The following CCDC102B variants were observed in gnomAD, a reference collection of about 807,000 sequenced individuals.
CCDC102B encodes the protein coiled-coil domain containing 102B, also known as coiled-coil domain-containing protein 102B.
Under a neutral mutation model 57.4 loss-of-function variants are expected in CCDC102B, and 75 were observed. That is an observed-to-expected ratio of 1.31 (90% CI 1.08 to 1.58). The LOEUF (loss-of-function observed/expected upper bound fraction) is 1.58, where lower values mean the gene tolerates loss of function less well. Ranked by LOEUF, CCDC102B falls within the 40% of genes most tolerant of loss-of-function variation. The pLI, the probability that CCDC102B is intolerant of heterozygous loss-of-function variation, is 0.00. For missense variants in CCDC102B, 636 were observed against 582.6 expected, an observed-to-expected ratio of 1.09 and a Z score of -0.94; for synonymous variants, 206 against 201.9, an observed-to-expected ratio of 1.02 and a Z score of -0.17.
chr18:68,750,048 A>G (rs2033786046), intron 2 of CCDC102B, among the ~76,000 whole-genome samples: 1 of 152,228 alleles, frequency 6.6e-6, no homozygotes, highest in Non-Finnish European at 1.5e-5. Context: ...AAGGGCTAAT[A>G]TCCAGAATCT....
intron 2 of CCDC102B, among the ~76,000 whole-genome samples, chr18:68,726,538 C>T (rs1360449960): frequency 6.6e-6 from 1 of 152,212 alleles, no homozygotes; most frequent in Non-Finnish European, 1.5e-5. Flanking sequence ...ATATAATCCA[C>T]ACTATTCAAC....
At position 68,829,880 on chromosome 18, in the gene CCDC102B, A is replaced by G. The variant is rs2037073233; in HGVS notation, c.-15-6869A>G. On this transcript the variant is annotated intron_variant, in intron 1 of 7. Coordinates refer to ENST00000360242, the MANE Select transcript of CCDC102B (RefSeq NM_024781.3). ...AATCTCGATGAATTCAGTATTAAAG[A>G]AAATCTATTATTTTAACAAATAAAT... 4.6e-5 allele frequency among the ~76,000 whole-genome samples: 7 copies of G among 152,144 alleles called. No individual in the cohort carries two copies. The South Asian group carries it at 1.5e-3, about 32-fold the overall frequency.
Position 68,897,135 on chromosome 18 carries a change from T to C in CCDC102B, c.1054-84T>C, listed in dbSNP as rs1450261372. The C allele has an allele frequency of 1.5e-5, 15 of 1,003,340 alleles. No individual in the cohort carries two copies. In the East Asian group the frequency reaches 3.6e-4, roughly 24 times the overall value. 62.2% of individuals were successfully genotyped at this position (1,003,340 alleles called of 1,614,324 possible). On this transcript the variant is annotated intron_variant, in intron 5 of 7. Coordinates refer to ENST00000360242, the MANE Select transcript of CCDC102B (RefSeq NM_024781.3). ...CAGTGGACATATCCATGAACTTTTC[T>C]TAATGGGAGTCTGGTTGTGGGTGGC...
intron 2 of CCDC102B, among the ~76,000 whole-genome samples, chr18:68,735,440 C>T (rs1277185418): frequency 6.6e-6 from 1 of 152,130 alleles, no homozygotes; most frequent in Non-Finnish European, 1.5e-5. Flanking sequence ...TTAAAAATAT[C>T]CCACTCCTTC....
In CCDC102B at chr18:69,010,929, G is replaced by T. The variant is rs1277674171; in HGVS notation, c.1264-5G>T. Reference sequence around the variant, plus strand: ...AATAATGTAATTTTTGTTTTCCTTTGAAAGGAATTACTGAACCTTCAACAT... The same window carrying T: ...AATAATGTAATTTTTGTTTTCCTTTTAAAGGAATTACTGAACCTTCAACAT... On this transcript the variant is annotated splice_polypyrimidine_tract_variant and splice_region_variant and intron_variant, in intron 6 of 7. Transcript: ENST00000360242. 3 of 1,562,612 alleles carry T rather than the reference G, an allele frequency of 1.9e-6. No homozygotes were observed. Among genetic ancestry groups the T allele is most frequent in the African/African-American group, 1.4e-5 (1 of 73,172 alleles).
intron 6 of CCDC102B, among the ~76,000 whole-genome samples, chr18:68,998,991 TATATATATAGAGAGAGAGAGAGAG>T (rs1468915176): frequency 1.0e-4 from 7 of 70,106 alleles, no homozygotes; most frequent in Middle Eastern, 8.6e-3. Context: ...TATATATATA[TATATATATAGAGAGAGAGAGAGAG>T]AGAGAGAGAG....
At chr18:68,905,663 A>G (rs1359941659) in intron 6 of CCDC102B, among the ~76,000 whole-genome samples, 1 of 151,598 alleles carries the variant, frequency 6.6e-6, no homozygotes, top group Admixed American at 6.6e-5. Flanking sequence ...TGATGCAGTA[A>G]CTCCTCATTC....
rs546427386 is a variant in CCDC102B, at chr18:68,850,526, G to A, written c.936+4105G>A. On this transcript the variant is annotated intron_variant, in intron 4 of 7. Transcript: ENST00000360242. ...TTTCGTCTTTTAAACTCATCAACCT[G>A]CCAATTCCCTCTTCCTTCTAGGTGG... Among the ~76,000 whole-genome samples, 4 of 152,064 alleles carry A rather than the reference G, an allele frequency of 2.6e-5. No individual in the cohort carries two copies. In the South Asian group the frequency reaches 8.4e-4, roughly 32 times the overall value.
intron 4 of CCDC102B, among the ~76,000 whole-genome samples, chr18:68,868,813 A>G (rs1287318040): frequency 6.6e-6 from 1 of 152,214 alleles, no homozygotes; most frequent in South Asian, 2.1e-4. Flanking sequence ...ACTCAAACTC[A>G]GTGTGAAGAA....
chr18:69,024,765 G>C (rs1338379520), intron 7 of CCDC102B, among the ~76,000 whole-genome samples: 1 of 151,922 alleles, frequency 6.6e-6, no homozygotes, highest in Non-Finnish European at 1.5e-5. Context: ...ATGATTACAG[G>C]AATGTAATGC....
intron 7 of CCDC102B, among the ~76,000 whole-genome samples, chr18:69,019,796 T>TA (rs2051776433): frequency 6.6e-6 from 1 of 152,142 alleles, no homozygotes; most frequent in Admixed American, 6.5e-5. Flanking sequence ...ATGCTTGTAT[T>TA]ATAACAGATC....
Position 68,998,592 on chromosome 18 carries a change from CCA to C in CCDC102B, c.1264-12341_1264-12340del, listed in dbSNP as rs374857658. Among the ~76,000 whole-genome samples, 15 of 7,072 alleles carry C rather than the reference CCA, an allele frequency of 2.1e-3. No homozygotes were observed. The South Asian group carries it at 0.32, about 149-fold the overall frequency. 4.6% of individuals were successfully genotyped at this position (7,072 alleles called of 152,430 possible). On this transcript the variant is annotated intron_variant, in intron 6 of 7. Transcript: ENST00000360242. ...GAAGCCAGTCCGAGTACCAAAACCC[CCA>C]AAGTAGGGAAGCCAACAGTTCAGCT...
chr18:68,866,309 T>G (rs1401025108), intron 4 of CCDC102B, among the ~76,000 whole-genome samples: 1 of 152,202 alleles, frequency 6.6e-6, no homozygotes, highest in Non-Finnish European at 1.5e-5. Flanking sequence ...CTTTCTCAAG[T>G]ATAAACATTT....
intron 6 of CCDC102B, among the ~76,000 whole-genome samples, chr18:68,986,880 T>G (rs939529555): frequency 1.3e-5 from 2 of 152,090 alleles, no homozygotes; most frequent in African/African-American, 4.8e-5. Flanking sequence ...GGGAAAGATC[T>G]CTATGAGGGG....
chr18:69,027,202 G>A (rs925858345), intron 7 of CCDC102B, among the ~76,000 whole-genome samples: 9 of 152,118 alleles, frequency 5.9e-5, no homozygotes, highest in Non-Finnish European at 8.8e-5. Flanking sequence ...CTTAAAAATC[G>A]TGTACCTTCA....
At chr18:68,789,982 T>C (rs1321751986) in intron 2 of CCDC102B, among the ~76,000 whole-genome samples, 3 of 150,760 alleles carry the variant, frequency 2.0e-5, no homozygotes, top group South Asian at 2.1e-4. Flanking sequence ...TGGTCTTTGA[T>C]GATGGTGATG....
At chr18:68,956,092 C>G (rs907398019) in intron 6 of CCDC102B, among the ~76,000 whole-genome samples, 1 of 151,212 alleles carries the variant, frequency 6.6e-6, no homozygotes. Flanking sequence ...TGGCTTGTTT[C>G]GCTTAACAAA....
chr18:68,997,351 T>C (rs573296711), intron 6 of CCDC102B, among the ~76,000 whole-genome samples: 12 of 152,208 alleles, frequency 7.9e-5, no homozygotes, highest in Non-Finnish European at 1.5e-4. Flanking sequence ...AAGTACATAT[T>C]GTATCTATTT....
At chr18:68,917,601 C>T (rs1309217256) in intron 6 of CCDC102B, among the ~76,000 whole-genome samples, 2 of 152,290 alleles carry the variant, frequency 1.3e-5, no homozygotes, top group Non-Finnish European at 1.5e-5. Context: ...GTATTAATCG[C>T]TGTGTCCATC....
Sources: allele counts gnomAD v4.1 joint callset (sites outside exome capture counted in the v4.1 genomes callset), GRCh38; gene constraint gnomAD v4.1.1; transcripts MANE v1.5; gene names NCBI Gene and HGNC (gene_info 2026-07-23, HGNC 2026-07-21).